BPIFC: variants seen among roughly 807,000 people sequenced by gnomAD.
BPIFC encodes the protein BPI fold containing family C, also known as BPI fold-containing family C protein.
In BPIFC, 60 loss-of-function variants were observed where a neutral mutation model predicts 57.6. The ratio of observed to expected loss-of-function variants is 1.04; its 90% confidence interval spans 0.85 to 1.29. The LOEUF is 1.29. Among genes scored for constraint, BPIFC ranks in the 50% most tolerant of loss-of-function variants. The pLI is 0.00. For missense variants in BPIFC, 581 were observed against 600.5 expected (o/e 0.97, Z 0.34); for synonymous variants, 243 against 224.5 (o/e 1.08, Z -0.74).
At chr22:32,459,832 C>T (rs543274369) in intron 2 of BPIFC, among the ~76,000 whole-genome samples, 22 of 151,006 alleles carry the variant, frequency 1.5e-4, no homozygotes, top group Admixed American at 4.0e-4. Context: ...GCTTGGGCAA[C>T]GGAGCAAGAT....
Position 32,414,191 on chromosome 22 carries a change from G to C in BPIFC, c.*112C>G, listed in dbSNP as rs1038215255. Reference sequence around the variant, plus strand: ...TTAAGAAAGAAAACTTTCTGCCTAAGCAATTCACAAGGGCTTTACAATTCC... The same window carrying C: ...TTAAGAAAGAAAACTTTCTGCCTAACCAATTCACAAGGGCTTTACAATTCC... On this transcript the variant is annotated 3_prime_UTR_variant, in exon 17 of 17. Coordinates refer to ENST00000300399, the MANE Select transcript of BPIFC (RefSeq NM_174932.3). 1 of 1,422,894 alleles carries C rather than the reference G, an allele frequency of 7.0e-7. No individual in the cohort carries two copies. Among genetic ancestry groups the C allele is most frequent in the African/African-American group, 1.4e-5 (1 of 69,314 alleles). The allele number at this position is 1,422,894 out of a possible 1,614,324, so 88.1% of individuals were successfully genotyped here. A position where few individuals can be genotyped will look rare whatever the true frequency, so the allele number is the denominator to read the frequency against.
At position 32,447,242 on chromosome 22, in the gene BPIFC, C is replaced by G. The variant is rs1179856617; in HGVS notation, c.344G>C (p.Ser115Thr). 2.5e-6 allele frequency: 4 copies of G among 1,613,726 alleles called. No homozygotes were observed. The South Asian group carries it at 3.3e-5, about 13-fold the overall frequency. ...TGGAGACTCGAACCCCCAGTCTGTGCTGATGTTGGCAGTGCCATGGTTGGT... is the reference window on the plus strand; with the variant it reads ...TGGAGACTCGAACCCCCAGTCTGTGGTGATGTTGGCAGTGCCATGGTTGGT... Reference protein sequence around the residue: ...ALTNHGTANISTDWGFESPLF... With the variant: ...ALTNHGTANITTDWGFESPLF... The change falls in exon 5 of 17, where the codon AGC becomes ACC. Residue 115 changes from serine (S) to threonine (T), a missense_variant. Coordinates refer to ENST00000300399, the MANE Select transcript of BPIFC (RefSeq NM_174932.3).
In BPIFC at chr22:32,431,417, A is replaced by T; in HGVS notation, c.1150-3T>A. 1 of 1,564,402 alleles carries T rather than the reference A, an allele frequency of 6.4e-7. No homozygotes were observed. The highest frequency in any genetic ancestry group is 8.8e-7 in the Non-Finnish European group (1 of 1,142,236). ...AGGCCAACACTGGTACTAGCAACCT[A>T]TAGACAATAAAAGCATTTATTATTA... On this transcript the variant is annotated splice_region_variant and splice_polypyrimidine_tract_variant and intron_variant, in intron 12 of 16. Transcript: ENST00000300399.
chr22:32,443,687 G>A (rs1350926118), intron 7 of BPIFC, among the ~76,000 whole-genome samples: 1 of 152,172 alleles, frequency 6.6e-6, no homozygotes, highest in African/African-American at 2.4e-5. Flanking sequence ...GGCTGCCTGG[G>A]GCCGAGGGTT....
rs990350618 is a variant in BPIFC, at chr22:32,431,339, G to T, written c.1217+8C>A. On this transcript the variant is annotated splice_region_variant and intron_variant, in intron 13 of 16. Coordinates refer to ENST00000300399, the MANE Select transcript of BPIFC (RefSeq NM_174932.3). ...AGGTGCCCCAACAGTCAAATTGATTGATCTTACCTGTTCAGAGACAAGGAG... is the reference window on the plus strand; with the variant it reads ...AGGTGCCCCAACAGTCAAATTGATTTATCTTACCTGTTCAGAGACAAGGAG... 9.9e-6 allele frequency: 16 copies of T among 1,608,680 alleles called. No homozygotes were observed. The highest frequency in any genetic ancestry group is 1.3e-5 in the African/African-American group (1 of 74,850).
chr22:32,424,318 A>G (rs1363311997), intron 13 of BPIFC, among the ~76,000 whole-genome samples: 1 of 152,186 alleles, frequency 6.6e-6, no homozygotes, highest in Non-Finnish European at 1.5e-5. Context: ...GTTCAAGTGT[A>G]TTATTAGAAT....
intron 15 of BPIFC, 119 bp downstream of exon 15, chr22:32,416,966 T>C (rs1302296982): frequency 2.1e-6 from 2 of 949,380 alleles, no homozygotes; most frequent in East Asian, 2.4e-5. Context: ...GGATTCATGA[T>C]AACATGATAG....
At chr22:32,420,054 AAG>A (rs1300297765) in intron 13 of BPIFC, among the ~76,000 whole-genome samples, 27 of 152,100 alleles carry the variant, frequency 1.8e-4, no homozygotes, top group Non-Finnish European at 2.9e-4. Context: ...ATGGTGGCTC[AAG>A]CCTGTAATCC....
At chr22:32,439,092 G>C (rs1168613643) in intron 8 of BPIFC, among the ~76,000 whole-genome samples, 2 of 152,146 alleles carry the variant, frequency 1.3e-5, no homozygotes, top group South Asian at 2.1e-4. Flanking sequence ...TTGGGAGGCT[G>C]AGGTGGGCGG....
At chr22:32,460,775 C>T (rs890273425) in intron 2 of BPIFC, among the ~76,000 whole-genome samples, 11 of 152,106 alleles carry the variant, frequency 7.2e-5, no homozygotes, top group Non-Finnish European at 1.0e-4. Flanking sequence ...TTTATTCATG[C>T]GTGTATGTTT....
chr22:32,455,270 C>T (rs1036501263), intron 3 of BPIFC, among the ~76,000 whole-genome samples: 5 of 151,822 alleles, frequency 3.3e-5, no homozygotes, highest in South Asian at 4.2e-4. Context: ...TGGATGGTCT[C>T]GATCTCTTGA....
At chr22:32,461,774 T>C (rs1935164916) in intron 1 of BPIFC, 113 bp from the exon 2 acceptor site, 9 of 334,910 alleles carry the variant, frequency 2.7e-5, no homozygotes, top group Non-Finnish European at 3.8e-5. Flanking sequence ...TTTTAACATA[T>C]GGCGAGGCCA....
At chr22:32,448,796 G>A (rs1934805838) in intron 4 of BPIFC, among the ~76,000 whole-genome samples, 1 of 152,042 alleles carries the variant, frequency 6.6e-6, no homozygotes, top group Admixed American at 6.6e-5. Flanking sequence ...AAATTAACCG[G>A]GTGTGGTGGC....
chr22:32,428,584 T>TAAAC (rs935552875), intron 13 of BPIFC, among the ~76,000 whole-genome samples: 55 of 150,826 alleles, frequency 3.6e-4, no homozygotes, highest in African/African-American at 8.2e-4. Context: ...CATACTACTT[T>TAAAC]AAACAAACAA....
intron 11 of BPIFC, 136 bp downstream of exon 11, chr22:32,433,583 T>C (rs1934305983): frequency 5.7e-6 from 4 of 707,614 alleles, no homozygotes; most frequent in Non-Finnish European, 7.4e-6. Flanking sequence ...TTTGTAGATA[T>C]TCGATTACGA....
intron 11 of BPIFC, 104 bp downstream of exon 11, chr22:32,433,611 TAGAC>T: frequency 1.1e-6 from 1 of 947,860 alleles, no homozygotes. Context: ...CTCCCAATAA[TAGAC>T]AGAGGGACTT....
chr22:32,451,706 T>C (rs1934900432), intron 4 of BPIFC, among the ~76,000 whole-genome samples: 1 of 151,914 alleles, frequency 6.6e-6, no homozygotes, highest in Non-Finnish European at 1.5e-5. Flanking sequence ...TAAATATATA[T>C]ATAAATAAAT....
intron 13 of BPIFC, among the ~76,000 whole-genome samples, chr22:32,419,803 CAAAAAAAA>C (rs34812283): frequency 9.8e-6 from 1 of 102,368 alleles, no homozygotes; most frequent in Admixed American, 1.2e-4. Flanking sequence ...GAGACCCTGT[CAAAAAAAA>C]AAAAAAAAAA....
intron 13 of BPIFC, among the ~76,000 whole-genome samples, chr22:32,430,663 C>A (rs2413116): frequency 0.024 from 3,657 of 150,624 alleles, 137 homozygotes; most frequent in African/African-American, 0.079. Context: ...TTTTGAGAGA[C>A]AAGGTCTCAT....
Sources: allele counts gnomAD v4.1 joint callset (sites outside exome capture counted in the v4.1 genomes callset), GRCh38; gene constraint gnomAD v4.1.1; transcripts MANE v1.5; gene names NCBI Gene and HGNC (gene_info 2026-07-23, HGNC 2026-07-21).